Variants in LRP2 observed in about 807,000 individuals in gnomAD.
LRP2 encodes the protein low-density lipoprotein receptor-related protein 2.
Under a neutral mutation model 531.0 loss-of-function variants are expected in LRP2, and 172 were observed. That is an observed-to-expected ratio of 0.32 (90% confidence interval 0.29 to 0.37). The LOEUF (loss-of-function observed/expected upper bound fraction) is 0.37. LRP2 is among the 10% of genes least tolerant of loss of function. The pLI is 1.00. For missense variants in LRP2, 5,167 were observed against 5,868.3 expected (o/e 0.88, Z 3.90); for synonymous variants, 1,992 against 2,027.6 (o/e 0.98, Z 0.47).
In LRP2 at chr2:169,323,892, G is replaced by A. The variant is rs548815988; in HGVS notation, c.80-3008C>T. ...AATCCCTCTAGTAAAAACCAAGGAG[G>A]AAAGGAGGAAAATACAATCCACATT... On this transcript the variant is annotated intron_variant, in intron 1 of 78. Coordinates refer to ENST00000649046, the MANE Select transcript of LRP2 (RefSeq NM_004525.3). Among the ~76,000 whole-genome samples, 17 of 151,506 alleles carry A rather than the reference G, an allele frequency of 1.1e-4. No individual in the cohort carries two copies. The South Asian group carries it at 2.1e-3, about 19-fold the overall frequency.
At chr2:169,239,834 T>A in intron 25 of LRP2, 59 bp from the exon 26 acceptor site, 1 of 1,438,102 alleles carries the variant, frequency 7.0e-7, no homozygotes, top group Non-Finnish European at 9.8e-7. Context: ...CTTCTTTGAT[T>A]CACTCTTATG....
At chr2:169,147,817 T>G (rs1188379561) in intron 68 of LRP2, among the ~76,000 whole-genome samples, 2 of 152,172 alleles carry the variant, frequency 1.3e-5, no homozygotes, top group African/African-American at 4.8e-5. Context: ...CAAGACCCTG[T>G]GTAAGAGCTC....
At chr2:169,226,702 T>C (rs1267961725) in intron 31 of LRP2, 114 bp from the exon 32 acceptor site, 4 of 782,976 alleles carry the variant, frequency 5.1e-6, no homozygotes, top group Non-Finnish European at 4.4e-6. Context: ...CATTGCAGCA[T>C]TGCAGCAATA....
At chr2:169,268,327 T>C (rs988289526) in intron 16 of LRP2, among the ~76,000 whole-genome samples, 1 of 151,964 alleles carries the variant, frequency 6.6e-6, no homozygotes, top group Admixed American at 6.6e-5. Context: ...TAGACCAATA[T>C]CCCTGATGAA....
At chr2:169,307,514 C>T in intron 3 of LRP2, 117 bp from the exon 4 acceptor site, 1 of 712,436 alleles carries the variant, frequency 1.4e-6, no homozygotes, top group South Asian at 1.5e-5. Flanking sequence ...AGGTAAAGTA[C>T]CTGGCTACCA....
intron 38 of LRP2, among the ~76,000 whole-genome samples, chr2:169,208,326 T>C (rs945956501): frequency 3.9e-5 from 6 of 152,224 alleles, no homozygotes; most frequent in Non-Finnish European, 8.8e-5. Context: ...GAAATAGTAA[T>C]TTCTATTCAG....
chr2:169,242,833 C>A, intron 24 of LRP2, 123 bp downstream of exon 24: 1 of 793,738 alleles, frequency 1.3e-6, no homozygotes, highest in Non-Finnish European at 2.3e-6. Context: ...ATACCACATT[C>A]CTTTGAGGAT....
At chr2:169,327,114 G>A (rs1174939132) in intron 1 of LRP2, among the ~76,000 whole-genome samples, 5 of 148,686 alleles carry the variant, frequency 3.4e-5, no homozygotes, top group East Asian at 2.0e-4. Flanking sequence ...CCGGCCAGCC[G>A]CCCCATCCGG....
chr2:169,263,867 C>T (rs1690676102), intron 16 of LRP2, among the ~76,000 whole-genome samples: 1 of 151,930 alleles, frequency 6.6e-6, no homozygotes, highest in African/African-American at 2.4e-5. Flanking sequence ...CAATGATAGA[C>T]TGGATTAAGA....
rs777308271 is a variant in LRP2, at chr2:169,204,118, C to T, written c.7869G>A (p.Gly2623=). ...TTGTGGTCATTGCAATCTGACCTGACCCGTCATATTTGTTAGCTCGGTAAA... is the reference window on the plus strand; with the variant it reads ...TTGTGGTCATTGCAATCTGACCTGATCCGTCATATTTGTTAGCTCGGTAAA... ...QRIYRANKYD[G]SGQIAMTTNL... Residue 2623 remains glycine, a synonymous_variant, in exon 42 of 79, where the codon GGG becomes GGA. Coordinates refer to ENST00000649046, the MANE Select transcript of LRP2 (RefSeq NM_004525.3). 9.9e-6 allele frequency: 16 copies of T among 1,614,138 alleles called. No homozygotes were observed. The highest frequency in any genetic ancestry group is 5.0e-5 in the Admixed American group (3 of 60,010).
At position 169,240,977 on chromosome 2, in the gene LRP2, A is replaced by G; in HGVS notation, c.4045+11T>C. 6.2e-7 allele frequency: 1 copy of G among 1,610,660 alleles called. No homozygotes were observed. The highest frequency in any genetic ancestry group is 8.5e-7 in the Non-Finnish European group (1 of 1,180,018). ...AGTTTATGGCCAGTAAACTGTGGTC[A>G]GGAAACTTACTGCAAAGTGGGGACT... is the stretch of plus-strand genomic sequence containing the variant. On this transcript the variant is annotated intron_variant, in intron 25 of 78. Transcript: ENST00000649046.
In LRP2 at chr2:169,202,762, C is replaced by T; in HGVS notation, c.8203G>A (p.Val2735Ile). 6.2e-7 allele frequency: 1 copy of T among 1,614,222 alleles called. No individual in the cohort carries two copies. The highest frequency in any genetic ancestry group is 8.5e-7 in the Non-Finnish European group (1 of 1,180,038). ...CGDGSDEMES[V>I]CALHTCSPTA... ...CGCCAAGAGTCCAACTCACCACAGACACTTTCCATCTCATCACTGCCATCC... is the reference window on the plus strand; with the variant it reads ...CGCCAAGAGTCCAACTCACCACAGATACTTTCCATCTCATCACTGCCATCC... The change falls in exon 43 of 79, where the codon GTC (valine) becomes ATC (isoleucine). Residue 2735 changes from valine to isoleucine, a missense_variant. Val to Ile is a conservative substitution (Grantham distance 29). Coordinates refer to ENST00000649046, the MANE Select transcript of LRP2 (RefSeq NM_004525.3).
chr2:169,172,859 T>G (rs535354491), intron 57 of LRP2, among the ~76,000 whole-genome samples: 27 of 152,336 alleles, frequency 1.8e-4, no homozygotes, highest in Non-Finnish European at 3.8e-4. Context: ...TCTAACATCT[T>G]AATAACGTCT....
At chr2:169,213,338 T>C (rs1168156233) in intron 36 of LRP2, among the ~76,000 whole-genome samples, 1 of 152,046 alleles carries the variant, frequency 6.6e-6, no homozygotes, top group Non-Finnish European at 1.5e-5. Context: ...CGTACAGAGG[T>C]TATATTCTAA....
At chr2:169,140,843 C>T (rs1382127990) in intron 71 of LRP2, among the ~76,000 whole-genome samples, 2 of 152,194 alleles carry the variant, frequency 1.3e-5, no homozygotes, top group Admixed American at 1.3e-4. Flanking sequence ...AAAATAATCT[C>T]TTAAAATATT....
chr2:169,223,850 A>AC (rs1411764420), intron 33 of LRP2, among the ~76,000 whole-genome samples: 4 of 152,222 alleles, frequency 2.6e-5, no homozygotes, highest in Non-Finnish European at 5.9e-5. Context: ...ACAAATGGCT[A>AC]CCAGAACTGC....
At chr2:169,226,847 C>T (rs1689218244) in intron 31 of LRP2, among the ~76,000 whole-genome samples, 1 of 152,124 alleles carries the variant, frequency 6.6e-6, no homozygotes, top group Non-Finnish European at 1.5e-5. Context: ...TCTTACTCTT[C>T]ATTAAGTCCT....
chr2:169,151,174 G>A (rs186014713), intron 67 of LRP2, 148 bp from the exon 68 acceptor site: 3 of 862,138 alleles, frequency 3.5e-6, no homozygotes, highest in South Asian at 1.3e-5. Context: ...TCTCTTGGGG[G>A]AACTACAGCC....
chr2:169,298,183 T>A (rs572312860), intron 4 of LRP2, among the ~76,000 whole-genome samples: 1 of 144,712 alleles, frequency 6.9e-6, no homozygotes, highest in South Asian at 2.4e-4. Context: ...ACCCACAAAG[T>A]TAAACAAGCA....
Sources: allele counts gnomAD v4.1 joint callset (sites outside exome capture counted in the v4.1 genomes callset), GRCh38; gene constraint gnomAD v4.1.1; transcripts MANE v1.5; gene names NCBI Gene and HGNC (gene_info 2026-07-23, HGNC 2026-07-21).